Variants in PACSIN2 observed in about 807,000 individuals in gnomAD.
The protein encoded by PACSIN2 is protein kinase C and casein kinase substrate in neurons 2, also known as protein kinase C and casein kinase substrate in neurons protein 2.
In PACSIN2, 25 loss-of-function variants were observed where a neutral mutation model predicts 63.8. The ratio of observed to expected loss-of-function variants is 0.39; its 90% confidence interval spans 0.29 to 0.55. The LOEUF (loss-of-function observed/expected upper bound fraction) is 0.55. Among genes scored for constraint, PACSIN2 ranks in the 20% least tolerant of loss-of-function variants. PACSIN2 has a pLI of 0.62. For missense variants in PACSIN2, 518 were observed against 646.9 expected, an observed-to-expected ratio of 0.80 and a Z score of 2.16; for synonymous variants, 255 against 256.2, an observed-to-expected ratio of 1.00 and a Z score of 0.05.
intron 1 of PACSIN2, among the ~76,000 whole-genome samples, chr22:42,954,844 A>T (rs1933847936): frequency 6.6e-6 from 1 of 152,216 alleles, no homozygotes; most frequent in South Asian, 2.1e-4. Context: ...GAGGCATGGT[A>T]GGTGATAATG....
intron 1 of PACSIN2, among the ~76,000 whole-genome samples, chr22:42,982,888 A>AAAAAAAAAAAAAC (rs759532303): frequency 6.1e-4 from 64 of 105,062 alleles, no homozygotes; most frequent in South Asian, 1.1e-3. Flanking sequence ...AAAAAAAAAA[A>AAAAAAAAAAAAAC]AACAACAACA....
At chr22:42,941,144 T>C (rs1223833228) in intron 1 of PACSIN2, among the ~76,000 whole-genome samples, 1 of 152,250 alleles carries the variant, frequency 6.6e-6, no homozygotes, top group Middle Eastern at 3.2e-3. Context: ...TCATAACATG[T>C]GGCTCTGGTG....
At chr22:43,000,143 G>C (rs1348037068) in intron 1 of PACSIN2, among the ~76,000 whole-genome samples, 4 of 152,192 alleles carry the variant, frequency 2.6e-5, no homozygotes, top group African/African-American at 4.8e-5. Flanking sequence ...AATGGACGGG[G>C]CCGGCCCAAG....
rs554411534 is a variant in PACSIN2, at chr22:42,972,973, G to A, written c.-78+42048C>T. Among the ~76,000 whole-genome samples, 5 of 152,250 alleles carry A rather than the reference G, an allele frequency of 3.3e-5. No homozygotes were observed. In the South Asian group the frequency reaches 8.3e-4, roughly 25 times the overall value. ...GCACACACCTGGATTTTCTAATTAC[G>A]AACAGCATGTGAGGATTGTTCATTG... On this transcript the variant is annotated intron_variant, in intron 1 of 10. Transcript: ENST00000263246.
At chr22:42,944,968 C>T (rs918744456) in intron 1 of PACSIN2, among the ~76,000 whole-genome samples, 6 of 151,932 alleles carry the variant, frequency 3.9e-5, no homozygotes, top group Admixed American at 1.3e-4. Context: ...TGTGGTGGTA[C>T]GCCCCTGTAG....
chr22:42,920,793 C>CTTT (rs745822264), intron 1 of PACSIN2, among the ~76,000 whole-genome samples: 2 of 77,656 alleles, frequency 2.6e-5, no homozygotes, highest in Non-Finnish European at 2.3e-5. Context: ...AATTATCACA[C>CTTT]TTTTTTTTTT....
At chr22:42,965,275 G>A (rs780643087) in intron 1 of PACSIN2, among the ~76,000 whole-genome samples, 5 of 152,248 alleles carry the variant, frequency 3.3e-5, no homozygotes, top group Non-Finnish European at 5.9e-5. Flanking sequence ...CCAGGGGGCA[G>A]GGTGGGGGAC....
chr22:42,962,672 C>T (rs1311768930), intron 1 of PACSIN2, among the ~76,000 whole-genome samples: 2 of 149,832 alleles, frequency 1.3e-5, no homozygotes, highest in African/African-American at 4.9e-5. Context: ...GTCACAGGGC[C>T]ACCCTCACAT....
chr22:42,971,568 C>T (rs1303904034), intron 1 of PACSIN2, among the ~76,000 whole-genome samples: 2 of 151,954 alleles, frequency 1.3e-5, no homozygotes, highest in Non-Finnish European at 2.9e-5. Context: ...GTGAGGAGCC[C>T]CTCTGCCCGG....
chr22:42,906,630 C>G (rs980309299), intron 2 of PACSIN2, among the ~76,000 whole-genome samples: 13 of 152,184 alleles, frequency 8.5e-5, no homozygotes, highest in African/African-American at 2.9e-4. Flanking sequence ...TATTTTCTCA[C>G]TGGCTTAGAA....
chr22:42,918,063 G>A lies in PACSIN2; in HGVS notation c.-77-5906C>T, dbSNP rs541079934. Among the ~76,000 whole-genome samples, 7 of 152,274 alleles carry A rather than the reference G, an allele frequency of 4.6e-5. 1 individual carries two copies. In the South Asian group the frequency reaches 1.4e-3, roughly 32 times the overall value. ...GGCAGAATCGTGGTGAGGGTCAACT[G>A]AGAAGGATGTGAAAATGCTTTGTAA... On this transcript the variant is annotated intron_variant, in intron 1 of 10. Coordinates refer to ENST00000263246, the MANE Select transcript of PACSIN2 (RefSeq NM_001184970.3).
intron 1 of PACSIN2, among the ~76,000 whole-genome samples, chr22:42,937,533 G>A (rs902200163): frequency 9.9e-5 from 15 of 152,064 alleles, no homozygotes; most frequent in Non-Finnish European, 1.5e-4. Context: ...GTCCCGGCTC[G>A]ATCACCAAGG....
At chr22:42,884,633 G>C in intron 5 of PACSIN2, 72 bp from the exon 6 acceptor site, 2 of 1,221,308 alleles carry the variant, frequency 1.6e-6, no homozygotes, top group Non-Finnish European at 2.3e-6. Context: ...CCCCTGGAGT[G>C]TCTCAGGCCT....
chr22:43,007,091 C>T (rs1255090922), intron 1 of PACSIN2, among the ~76,000 whole-genome samples: 2 of 152,092 alleles, frequency 1.3e-5, no homozygotes, highest in African/African-American at 4.8e-5. Flanking sequence ...CTCTGAAGAT[C>T]TTCATCCCGG....
chr22:43,014,697 C>A (rs1046850028), intron 1 of PACSIN2, among the ~76,000 whole-genome samples: 1 of 151,918 alleles, frequency 6.6e-6, no homozygotes, highest in Non-Finnish European at 1.5e-5. Context: ...TCCTGCACTT[C>A]CCTCTCCAGC....
At chr22:42,900,069 C>T (rs1335945934) in intron 2 of PACSIN2, among the ~76,000 whole-genome samples, 1 of 152,132 alleles carries the variant, frequency 6.6e-6, no homozygotes, top group Non-Finnish European at 1.5e-5. Flanking sequence ...GGCTCCTTTT[C>T]CCCACGCAGG....
intron 1 of PACSIN2, among the ~76,000 whole-genome samples, chr22:42,927,416 T>A (rs1217337505): frequency 1.3e-5 from 2 of 152,018 alleles, no homozygotes; most frequent in African/African-American, 2.4e-5. Flanking sequence ...AGCTAATTTT[T>A]AAAAATATTT....
At chr22:42,968,043 C>A (rs1920991458) in intron 1 of PACSIN2, among the ~76,000 whole-genome samples, 1 of 152,164 alleles carries the variant, frequency 6.6e-6, no homozygotes, top group Admixed American at 6.5e-5. Context: ...GAGTACTGCG[C>A]CAGTTTTCAG....
intron 1 of PACSIN2, among the ~76,000 whole-genome samples, chr22:43,005,634 T>C (rs901374635): frequency 1.3e-5 from 2 of 152,186 alleles, no homozygotes; most frequent in Non-Finnish European, 2.9e-5. Flanking sequence ...GATTTTTAAA[T>C]AGAACTGGAT....
Sources: allele counts gnomAD v4.1 joint callset (sites outside exome capture counted in the v4.1 genomes callset), GRCh38; gene constraint gnomAD v4.1.1; transcripts MANE v1.5; gene names NCBI Gene and HGNC (gene_info 2026-07-23, HGNC 2026-07-21).